Variants in DRC4 observed in about 807,000 individuals in gnomAD.
The protein encoded by DRC4 is GAS-11.
chr16:90,042,457 T>G, the DRC4 span: 13 of 1,612,780 alleles, frequency 8.1e-6, no homozygotes, highest in Admixed American at 1.7e-4. Context: ...TCCCATCACC[T>G]CTCTCTCCTC....
chr16:90,040,995 G>A, the DRC4 span, among the ~76,000 whole-genome samples: 9 of 152,098 alleles, frequency 5.9e-5, no homozygotes, highest in Non-Finnish European at 1.0e-4. Context: ...CTGTGGCCCC[G>A]GGACTGAAAA....
At chr16:90,021,944 T>A in the DRC4 span, 1 of 151,808 alleles carries the variant, frequency 6.6e-6, no homozygotes, top group South Asian at 2.1e-4. Flanking sequence ...ACAGGGTGGT[T>A]TCACGGATGG....
chr16:90,044,488 A>T, the DRC4 span: 50 of 471,012 alleles, frequency 1.1e-4, 1 homozygote, highest in South Asian at 7.6e-4. Context: ...CCTCCAGCCC[A>T]CTGGGGCTCT....
chr16:90,022,765 G>A, the DRC4 span: 1 of 1,342,772 alleles, frequency 7.4e-7, no homozygotes, highest in Non-Finnish European at 9.6e-7. Context: ...CTCGGCAGGG[G>A]CCCGGAGACC....
At chr16:90,036,108 G>A in the DRC4 span, 1 of 582,586 alleles carries the variant, frequency 1.7e-6, no homozygotes, top group Non-Finnish European at 2.9e-6. Flanking sequence ...ACTGGGGTCA[G>A]CTGACATTCA....
At chr16:90,027,643 AAAAG>A in the DRC4 span, 5 of 1,614,142 alleles carry the variant, frequency 3.1e-6, no homozygotes, top group East Asian at 6.7e-5. Context: ...AAGGCACCGA[AAAAG>A]AAAGGGAAGA....
At chr16:90,044,016 A>G in the DRC4 span, 11 of 432,628 alleles carry the variant, frequency 2.5e-5, no homozygotes, top group Admixed American at 3.5e-4. Context: ...AGGAGAGAGT[A>G]TAAGGGGATA....
the DRC4 span, among the ~76,000 whole-genome samples, chr16:90,030,850 G>A: frequency 0.07 from 10,707 of 152,118 alleles, 1,262 homozygotes; most frequent in African/African-American, 0.24. Flanking sequence ...GCTCCTGGGC[G>A]CGAGGGATCC....
At chr16:90,034,953 G>T in the DRC4 span, among the ~76,000 whole-genome samples, 1 of 140,954 alleles carries the variant, frequency 7.1e-6, no homozygotes, top group African/African-American at 2.7e-5. Context: ...GCCCAGGCTG[G>T]AGTGCAGTGG....
the DRC4 span, chr16:90,033,015 G>T: frequency 8.6e-7 from 1 of 1,160,902 alleles, no homozygotes; most frequent in Non-Finnish European, 1.2e-6. Context: ...ACAGCAACTG[G>T]GAATTCATAT....
the DRC4 span, among the ~76,000 whole-genome samples, chr16:90,022,928 T>C: frequency 6.6e-6 from 1 of 152,120 alleles, no homozygotes. Flanking sequence ...CACTCGGGAC[T>C]GAGACCTGGG....
At chr16:90,022,633 C>T in the DRC4 span, 2 of 1,345,684 alleles carry the variant, frequency 1.5e-6, no homozygotes, top group Non-Finnish European at 1.9e-6. Context: ...CTTATCGCGG[C>T]ATCGCCCAGC....
chr16:90,024,159 A>ACACACACACACACAC, the DRC4 span, among the ~76,000 whole-genome samples: 1 of 93,494 alleles, frequency 1.1e-5, no homozygotes, highest in Non-Finnish European at 2.5e-5. Context: ...CACACACACA[A>ACACACACACACACAC]AATTAGCCGG....
At chr16:90,037,915 C>G in the DRC4 span, 1 of 1,431,300 alleles carries the variant, frequency 7.0e-7, no homozygotes, top group Non-Finnish European at 9.8e-7. Context: ...CCAAGTTCAC[C>G]AAGGTGAGCG....
chr16:90,044,942 T>C, the DRC4 span: 3 of 194,818 alleles, frequency 1.5e-5, no homozygotes, highest in African/African-American at 4.8e-5. Context: ...TAAAAACTTA[T>C]AAAGTGGATT....
At chr16:90,040,689 A>C in the DRC4 span, among the ~76,000 whole-genome samples, 5 of 128,264 alleles carry the variant, frequency 3.9e-5, no homozygotes, top group African/African-American at 1.3e-4. Flanking sequence ...AGGGCTGGGC[A>C]GGGGAACCAG....
At chr16:90,043,948 C>A in the DRC4 span, 2 of 420,742 alleles carry the variant, frequency 4.8e-6, no homozygotes, top group Non-Finnish European at 9.9e-6. Context: ...GGACCAGGGG[C>A]ACGTGGAACT....
chr16:90,036,805 C>A, the DRC4 span: 3 of 677,982 alleles, frequency 4.4e-6, no homozygotes, highest in Admixed American at 6.2e-5. Flanking sequence ...TTGCCCTCAC[C>A]GTAGTGCAGA....
the DRC4 span, among the ~76,000 whole-genome samples, chr16:90,041,800 G>GA: frequency 2.6e-5 from 4 of 151,422 alleles, no homozygotes; most frequent in African/African-American, 4.8e-5. Flanking sequence ...CTCCATCTCA[G>GA]AAAAAAAAGT....
Sources: allele counts gnomAD v4.1 joint callset (sites outside exome capture counted in the v4.1 genomes callset), GRCh38; gene constraint gnomAD v4.1.1; transcripts MANE v1.5; gene names NCBI Gene and HGNC (gene_info 2026-07-23, HGNC 2026-07-21).